The following ULK4 variants were observed in gnomAD, a reference collection of about 807,000 sequenced individuals.
The protein encoded by ULK4 is inactive serine/threonine-protein kinase ULK4.
Under a neutral mutation model 160.6 loss-of-function variants are expected in ULK4, and 133 were observed. The observed-to-expected ratio is 0.83, with a 90% CI of 0.72 to 0.96. The LOEUF is 0.96. Among genes scored for constraint, ULK4 ranks in the 40% least tolerant of loss-of-function variants. The probability of loss-of-function intolerance (pLI) is 0.00; values close to 1 mark genes in which losing one functional copy is unlikely to be tolerated. For synonymous variants in ULK4, 534 were observed against 539.8 expected, an observed-to-expected ratio of 0.99 and a Z score of 0.15; for missense variants, 1,580 against 1,499.5, an observed-to-expected ratio of 1.05 and a Z score of -0.89.
chr3:41,855,170 T>C (rs1395075216), intron 17 of ULK4, among the ~76,000 whole-genome samples: 2 of 145,252 alleles, frequency 1.4e-5, no homozygotes, highest in East Asian at 3.9e-4. Context: ...ACAGTAACAA[T>C]GCTCTGCGTC....
intron 31 of ULK4, among the ~76,000 whole-genome samples, chr3:41,576,924 C>T (rs560360730): frequency 6.6e-6 from 1 of 152,200 alleles, no homozygotes; most frequent in South Asian, 2.1e-4. Flanking sequence ...CATAAAGTGT[C>T]CCACACGAAA....
chr3:41,840,791 G>A (rs1206817360), intron 17 of ULK4, among the ~76,000 whole-genome samples: 1 of 152,146 alleles, frequency 6.6e-6, no homozygotes, highest in African/African-American at 2.4e-5. Context: ...CTGCCCGGCT[G>A]CCACTCCATC....
intron 12 of ULK4, among the ~76,000 whole-genome samples, chr3:41,903,669 T>G (rs1420170694): frequency 6.6e-6 from 1 of 151,496 alleles, no homozygotes; most frequent in East Asian, 1.9e-4. Flanking sequence ...ACAGGTAAAC[T>G]GAATGTATGC....
chr3:41,588,936 A>G (rs2031042790), intron 31 of ULK4, among the ~76,000 whole-genome samples: 2 of 152,186 alleles, frequency 1.3e-5, no homozygotes, highest in Non-Finnish European at 2.9e-5. Context: ...GTATGTGTCC[A>G]GTGCCAGCTA....
intron 31 of ULK4, among the ~76,000 whole-genome samples, chr3:41,598,465 G>A (rs2031836805): frequency 6.6e-6 from 1 of 152,168 alleles, no homozygotes; most frequent in Non-Finnish European, 1.5e-5. Context: ...ATTTCAAAGG[G>A]AGCTGTCATG....
intron 21 of ULK4, among the ~76,000 whole-genome samples, chr3:41,771,790 A>C (rs1458999182): frequency 6.6e-6 from 1 of 152,262 alleles, no homozygotes; most frequent in Non-Finnish European, 1.5e-5. Context: ...TCAAGTACAT[A>C]TATAATACCA....
chr3:41,293,573 G>A (rs912520555), intron 35 of ULK4, among the ~76,000 whole-genome samples: 75 of 152,172 alleles, frequency 4.9e-4, no homozygotes, highest in African/African-American at 1.8e-3. Flanking sequence ...AGTGTTAGGA[G>A]CCTGAGCTTT....
chr3:41,546,979 A>G (rs1412185888), intron 32 of ULK4, among the ~76,000 whole-genome samples: 1 of 152,164 alleles, frequency 6.6e-6, no homozygotes, highest in Non-Finnish European at 1.5e-5. Context: ...ATACGTTCAA[A>G]ACATTATTTC....
intron 21 of ULK4, among the ~76,000 whole-genome samples, chr3:41,771,092 T>G (rs145838555): frequency 3.3e-5 from 5 of 152,316 alleles, no homozygotes; most frequent in South Asian, 2.1e-4. Flanking sequence ...CAGCTAATAA[T>G]ACGGCTTACC....
chr3:41,309,898 GAA>G (rs35153974), intron 35 of ULK4, among the ~76,000 whole-genome samples: 22,854 of 144,404 alleles, frequency 0.16, 2,000 homozygotes, highest in African/African-American at 0.24. Flanking sequence ...GCCTTTTAGG[GAA>G]AAAAAAAAAA....
intron 33 of ULK4, among the ~76,000 whole-genome samples, chr3:41,460,915 A>G (rs1575253879): frequency 6.6e-6 from 1 of 152,156 alleles, no homozygotes; most frequent in East Asian, 1.9e-4. Flanking sequence ...CCGAGGTTAC[A>G]GAGGTGGGGA....
At chr3:41,761,674 C>G (rs1303052106) in intron 21 of ULK4, among the ~76,000 whole-genome samples, 1 of 151,960 alleles carries the variant, frequency 6.6e-6, no homozygotes, top group East Asian at 1.9e-4. Context: ...GAACATACAT[C>G]TTTTACTTTA....
chr3:41,285,949 G>C (rs955966285), intron 35 of ULK4, among the ~76,000 whole-genome samples: 3 of 152,132 alleles, frequency 2.0e-5, no homozygotes, highest in Non-Finnish European at 2.9e-5. Flanking sequence ...AGATAATAAA[G>C]GCTATCACCA....
intron 17 of ULK4, among the ~76,000 whole-genome samples, chr3:41,843,275 T>C (rs1025949517): frequency 1.3e-5 from 2 of 152,190 alleles, no homozygotes; most frequent in South Asian, 4.2e-4. Flanking sequence ...CTCATCAGAA[T>C]GGTAAAAATA....
At chr3:41,901,361 T>A (rs1698353315) in intron 12 of ULK4, among the ~76,000 whole-genome samples, 1 of 151,406 alleles carries the variant, frequency 6.6e-6, no homozygotes, top group African/African-American at 2.4e-5. Flanking sequence ...TTTGTATTTT[T>A]AGTAGAAACA....
rs146061977 is a variant in ULK4, at chr3:41,493,679, T to C, written c.3227-30426A>G. On this transcript the variant is annotated intron_variant, in intron 32 of 36. Transcript: ENST00000301831. ...AGGATCAACAAAATTGATAGACTGC[T>C]AGCAAGACTAATAAACAAAAAAAGA... Among the ~76,000 whole-genome samples the C allele has an allele frequency of 5.7e-3, 852 of 150,662 alleles. 7 individuals are homozygous for C. The highest frequency in any genetic ancestry group is 0.02 in the African/African-American group (827 of 40,834).
At chr3:41,376,777 A>G (rs1291304179) in intron 35 of ULK4, among the ~76,000 whole-genome samples, 3 of 150,272 alleles carry the variant, frequency 2.0e-5, no homozygotes, top group Non-Finnish European at 4.4e-5. Flanking sequence ...AAGAATCAAT[A>G]TCGTAAAAAT....
intron 5 of ULK4, among the ~76,000 whole-genome samples, chr3:41,928,866 A>T (rs1451752672): frequency 1.3e-5 from 2 of 152,132 alleles, no homozygotes; most frequent in Non-Finnish European, 2.9e-5. Flanking sequence ...CAATCAAAAA[A>T]TGTCCAGGAC....
intron 21 of ULK4, among the ~76,000 whole-genome samples, chr3:41,760,605 T>C (rs926790450): frequency 6.6e-6 from 1 of 152,208 alleles, no homozygotes; most frequent in Non-Finnish European, 1.5e-5. Context: ...AAGTACTTAA[T>C]ACAAACTTTG....
Sources: allele counts gnomAD v4.1 joint callset (sites outside exome capture counted in the v4.1 genomes callset), GRCh38; gene constraint gnomAD v4.1.1; transcripts MANE v1.5; gene names NCBI Gene and HGNC (gene_info 2026-07-23, HGNC 2026-07-21).